The following LRGUK variants were observed in gnomAD, a reference collection of about 807,000 sequenced individuals.
LRGUK encodes leucine-rich repeat and guanylate kinase domain-containing protein.
In LRGUK, 65 loss-of-function variants were observed where a neutral mutation model predicts 76.0. The observed-to-expected ratio is 0.85, with a 90% confidence interval of 0.70 to 1.05. The LOEUF (loss-of-function observed/expected upper bound fraction) is 1.05, where lower values mean the gene tolerates loss of function less well. Among genes scored for constraint, LRGUK ranks in the 50% least tolerant of loss-of-function variants. The pLI, the probability that LRGUK is intolerant of heterozygous loss-of-function variation, is 0.00. For missense variants in LRGUK, 758 were observed against 732.8 expected (o/e 1.03, Z -0.40); for synonymous variants, 268 against 265.6 (o/e 1.01, Z -0.09).
At chr7:134,268,553 TAACAG>T (rs1802901490), downstream of LRGUK, among the ~76,000 whole-genome samples, 1 of 151,902 alleles carries the variant, frequency 6.6e-6, no homozygotes, top group Admixed American at 6.6e-5. Context: ...AACCAATTGC[TAACAG>T]AAGTATTCAC....
At chr7:134,172,305 A>AT (rs1216337539) in intron 7 of LRGUK, among the ~76,000 whole-genome samples, 1 of 152,068 alleles carries the variant, frequency 6.6e-6, no homozygotes, top group African/African-American at 2.4e-5. Flanking sequence ...CTTGTATCTA[A>AT]TTTTTTTACA....
At chr7:134,254,848 C>A (rs1330341541) in intron 18 of LRGUK, among the ~76,000 whole-genome samples, 1 of 152,108 alleles carries the variant, frequency 6.6e-6, no homozygotes, top group Non-Finnish European at 1.5e-5. Flanking sequence ...TATTATGCAG[C>A]AATTAAAGAT....
chr7:134,201,954 CCTTTT>C (rs1800790646), intron 15 of LRGUK, among the ~76,000 whole-genome samples: 1 of 152,134 alleles, frequency 6.6e-6, no homozygotes, highest in Non-Finnish European at 1.5e-5. Context: ...TTTTCTTTCC[CCTTTT>C]CTTTGCGTTA....
chr7:134,245,706 G>C (rs897892005), intron 16 of LRGUK, among the ~76,000 whole-genome samples: 1 of 151,996 alleles, frequency 6.6e-6, no homozygotes, highest in Non-Finnish European at 1.5e-5. Context: ...AAAAAGTAAG[G>C]GCGGTATACA....
intron 5 of LRGUK, among the ~76,000 whole-genome samples, chr7:134,152,832 C>T (rs911295019): frequency 1.3e-5 from 2 of 152,010 alleles, no homozygotes; most frequent in South Asian, 2.1e-4. Context: ...CCCAAACACA[C>T]ATTCATAAGA....
At chr7:134,207,378 C>T (rs139054668) in intron 15 of LRGUK, among the ~76,000 whole-genome samples, 4 of 152,076 alleles carry the variant, frequency 2.6e-5, no homozygotes, top group African/African-American at 4.8e-5. Flanking sequence ...TGCCTACTCT[C>T]GATATTTTCA....
At chr7:134,231,223 C>T (rs896894051) in intron 16 of LRGUK, among the ~76,000 whole-genome samples, 19 of 152,132 alleles carry the variant, frequency 1.2e-4, no homozygotes, top group Non-Finnish European at 2.1e-4. Flanking sequence ...TACTACCCCA[C>T]TGAACATAAA....
At chr7:134,266,740 A>T (rs13245165), downstream of LRGUK, among the ~76,000 whole-genome samples, 52,086 of 151,960 alleles carry the variant, frequency 0.34, 11,021 homozygotes, top group South Asian at 0.49. Flanking sequence ...TATTTTTTTT[A>T]AAAATGACCC....
intron 15 of LRGUK, among the ~76,000 whole-genome samples, chr7:134,217,677 G>C (rs1230861504): frequency 6.6e-6 from 1 of 152,082 alleles, no homozygotes; most frequent in Non-Finnish European, 1.5e-5. Flanking sequence ...GCCACCTTTA[G>C]TTTTGAGATA....
intron 7 of LRGUK, among the ~76,000 whole-genome samples, chr7:134,168,221 T>C (rs544333369): frequency 6.6e-6 from 1 of 151,956 alleles, no homozygotes; most frequent in East Asian, 1.9e-4. Context: ...TAAAAAAAAC[T>C]GGGCATGGTG....
chr7:134,138,986 GAA>G (rs386718019), intron 2 of LRGUK, among the ~76,000 whole-genome samples: 19,985 of 152,204 alleles, frequency 0.13, 1,608 homozygotes, highest in East Asian at 0.33. Flanking sequence ...CTTTGAAAAT[GAA>G]AAGGTGAAAG....
At chr7:134,144,112 T>C (rs1172934287) in intron 4 of LRGUK, among the ~76,000 whole-genome samples, 1 of 152,104 alleles carries the variant, frequency 6.6e-6, no homozygotes, top group East Asian at 1.9e-4. Context: ...CAAGTTGGAG[T>C]GCAGTTGCGC....
Position 134,183,801 on chromosome 7 carries a change from C to T in LRGUK, c.1282C>T (p.Arg428Ter), listed in dbSNP as rs538563634. 83 of 1,613,978 alleles carry T rather than the reference C, an allele frequency of 5.1e-5. No individual in the cohort carries two copies. Among genetic ancestry groups the T allele is most frequent in the Non-Finnish European group, 6.6e-5 (78 of 1,179,986 alleles). Residue 428 changes from arginine (R) to a stop codon, truncating the protein, a stop_gained, in exon 11 of 16, where the codon CGA becomes TGA. Coordinates refer to ENST00000645682, the Ensembl canonical transcript of LRGUK. LOFTEE classifies it high-confidence loss of function. ...AGCTGGTCCTGAAGCTTGTGGGAAA[C>T]GAGAGCTTGCCCATCGCCTCTGCAG...
In LRGUK at chr7:134,137,131, G is replaced by A. The variant is rs768713504; in HGVS notation, c.405+1G>A. 6.2e-7 allele frequency: 1 copy of A among 1,604,778 alleles called. No homozygotes were observed. The highest frequency in any genetic ancestry group is 8.5e-7 in the Non-Finnish European group (1 of 1,174,096). On this transcript the variant is annotated splice_donor_variant, in intron 2 of 15. Coordinates refer to ENST00000645682, the Ensembl canonical transcript of LRGUK. LOFTEE classifies it high-confidence loss of function. ...AGTCTACCTCAATCTAACTTTATCA[G>A]TGAGTATGACAAAATCTCCATTGGC...
At chr7:134,169,926 A>G (rs570348204) in intron 7 of LRGUK, among the ~76,000 whole-genome samples, 70 of 152,240 alleles carry the variant, frequency 4.6e-4, no homozygotes, top group African/African-American at 1.7e-3. Flanking sequence ...CTCTTACTAT[A>G]TTTCATAAAG....
At chr7:134,251,186 A>G (rs958063082) in intron 18 of LRGUK, among the ~76,000 whole-genome samples, 1 of 152,120 alleles carries the variant, frequency 6.6e-6, no homozygotes, top group Non-Finnish European at 1.5e-5. Flanking sequence ...GTCACTGCAG[A>G]TGTAATTTGT....
At chr7:134,174,736 A>G in intron 8 of LRGUK, 100 bp downstream of exon 8, 2 of 743,268 alleles carry the variant, frequency 2.7e-6, no homozygotes, top group Middle Eastern at 2.4e-4. Flanking sequence ...TGATAAAAGA[A>G]TATCAGGAAT....
intron 4 of LRGUK, among the ~76,000 whole-genome samples, chr7:134,144,091 A>C (rs950905368): frequency 6.6e-6 from 1 of 152,074 alleles, no homozygotes; most frequent in Non-Finnish European, 1.5e-5. Context: ...TGGGCTTCTT[A>C]TTTTCAGAGA....
At chr7:134,232,280 AT>A (rs1801919368) in intron 16 of LRGUK, among the ~76,000 whole-genome samples, 1 of 148,782 alleles carries the variant, frequency 6.7e-6, no homozygotes, top group Admixed American at 6.6e-5. Flanking sequence ...GTTGTTTTTA[AT>A]TTATTTTTTT....
Sources: allele counts gnomAD v4.1 joint callset (sites outside exome capture counted in the v4.1 genomes callset), GRCh38; gene constraint gnomAD v4.1.1; transcripts MANE v1.5; gene names NCBI Gene and HGNC (gene_info 2026-07-23, HGNC 2026-07-21).